CNTNAP2: variants seen among roughly 807,000 people sequenced by gnomAD.
The protein encoded by CNTNAP2 is contactin-associated protein-like 2.
A neutral mutation model predicts 155.2 loss-of-function variants in CNTNAP2; 98 were observed. The ratio of observed to expected loss-of-function variants is 0.63; its 90% CI spans 0.54 to 0.75. The LOEUF (loss-of-function observed/expected upper bound fraction) is 0.75, where lower values mean the gene tolerates loss of function less well. Ranked by LOEUF, CNTNAP2 falls within the 30% of genes least tolerant of loss-of-function variation. The pLI is 0.00. For missense variants in CNTNAP2, 1,727 were observed against 1,688.1 expected, an observed-to-expected ratio of 1.02 and a Z score of -0.40; for synonymous variants, 651 against 631.2, an observed-to-expected ratio of 1.03 and a Z score of -0.47.
At chr7:146,237,523 C>T (rs2116922926) in intron 1 of CNTNAP2, among the ~76,000 whole-genome samples, 1 of 152,336 alleles carries the variant, frequency 6.6e-6, no homozygotes, top group East Asian at 1.9e-4. Flanking sequence ...AAACTAAGAC[C>T]ATTCACATAA....
chr7:148,217,068 CA>C (rs1382726573), intron 18 of CNTNAP2, among the ~76,000 whole-genome samples: 1 of 151,784 alleles, frequency 6.6e-6, no homozygotes, highest in Non-Finnish European at 1.5e-5. Flanking sequence ...TCTTTATTAG[CA>C]GCGTGGGAAC....
intron 16 of CNTNAP2, among the ~76,000 whole-genome samples, chr7:148,122,284 G>A (rs1365797583): frequency 1.3e-5 from 2 of 152,150 alleles, no homozygotes; most frequent in East Asian, 3.9e-4. Flanking sequence ...AAAGCACACT[G>A]CCTCACAGAA....
At chr7:146,649,818 C>A (rs1396221122) in intron 1 of CNTNAP2, among the ~76,000 whole-genome samples, 7 of 151,962 alleles carry the variant, frequency 4.6e-5, no homozygotes, top group Non-Finnish European at 1.0e-4. Flanking sequence ...ATTTCCCAAA[C>A]CATAGTCTTA....
intron 9 of CNTNAP2, among the ~76,000 whole-genome samples, chr7:147,331,628 G>A (rs1444729302): frequency 6.6e-6 from 1 of 152,108 alleles, no homozygotes; most frequent in African/African-American, 2.4e-5. Context: ...CTTAGAAAAA[G>A]CAGGTAGAGG....
chr7:146,624,627 G>A (rs1448709383), intron 1 of CNTNAP2, among the ~76,000 whole-genome samples: 1 of 151,756 alleles, frequency 6.6e-6, no homozygotes, highest in Admixed American at 6.6e-5. Context: ...TAGTTTTGAT[G>A]ACTGTAGCTT....
At chr7:146,891,092 C>A (rs970161446) in intron 3 of CNTNAP2, among the ~76,000 whole-genome samples, 2 of 152,138 alleles carry the variant, frequency 1.3e-5, no homozygotes, top group Non-Finnish European at 2.9e-5. Flanking sequence ...ATGTTCCTTG[C>A]AGCAACATGG....
At chr7:146,825,721 C>T (rs1026772333) in intron 2 of CNTNAP2, among the ~76,000 whole-genome samples, 1 of 152,150 alleles carries the variant, frequency 6.6e-6, no homozygotes, top group Non-Finnish European at 1.5e-5. Flanking sequence ...TCTCAATTGT[C>T]ATGAGATTTT....
intron 21 of CNTNAP2, among the ~76,000 whole-genome samples, chr7:148,359,687 AT>A (rs1327428242): frequency 1.1e-4 from 16 of 152,274 alleles, no homozygotes; most frequent in Middle Eastern, 3.4e-3. Flanking sequence ...CTTTCAGGAA[AT>A]TTTTTTAATT....
At chr7:147,973,711 C>A (rs1056858855) in intron 14 of CNTNAP2, among the ~76,000 whole-genome samples, 2 of 152,078 alleles carry the variant, frequency 1.3e-5, no homozygotes, top group African/African-American at 2.4e-5. Flanking sequence ...AAGGAAAATT[C>A]TTTTAATTTA....
chr7:147,475,061 T>C (rs1458288012), intron 10 of CNTNAP2, among the ~76,000 whole-genome samples: 2 of 152,246 alleles, frequency 1.3e-5, no homozygotes, highest in African/African-American at 4.8e-5. Context: ...TCAGTACACA[T>C]AGATCTGCGT....
chr7:147,212,260 A>T (rs2116574109), intron 8 of CNTNAP2, among the ~76,000 whole-genome samples: 1 of 152,226 alleles, frequency 6.6e-6, no homozygotes, highest in Admixed American at 6.5e-5. Flanking sequence ...CCAAAAGAAA[A>T]CATATCATTT....
intron 1 of CNTNAP2, among the ~76,000 whole-genome samples, chr7:146,138,496 A>C (rs1298786695): frequency 1.3e-5 from 2 of 152,172 alleles, no homozygotes; most frequent in East Asian, 3.8e-4. Flanking sequence ...AAATAAACTT[A>C]TATGTTGAAC....
intron 11 of CNTNAP2, among the ~76,000 whole-genome samples, chr7:147,551,539 A>T (rs983444736): frequency 6.6e-6 from 1 of 152,196 alleles, no homozygotes; most frequent in Non-Finnish European, 1.5e-5. Flanking sequence ...AATCATAGCA[A>T]TAGTCTGATA....
intron 1 of CNTNAP2, among the ~76,000 whole-genome samples, chr7:146,298,432 C>A (rs1442005687): frequency 1.3e-5 from 2 of 152,054 alleles, no homozygotes; most frequent in Non-Finnish European, 2.9e-5. Flanking sequence ...TAACTGCCCA[C>A]CCCCTGCAAA....
chr7:147,469,773 C>T (rs6968381), intron 10 of CNTNAP2, among the ~76,000 whole-genome samples: 118,176 of 151,706 alleles, frequency 0.78, 46,387 homozygotes, highest in African/African-American at 0.87. Flanking sequence ...CCTCCTCGGC[C>T]TCCCAAAGTG....
chr7:146,438,622 A>C lies in CNTNAP2; in HGVS notation c.97+321649A>C, dbSNP rs532046259. Among the ~76,000 whole-genome samples, 186 of 151,684 alleles carry C rather than the reference A, an allele frequency of 1.2e-3. 2 individuals carry two copies. Among genetic ancestry groups the C allele is most frequent in the Non-Finnish European group, 2.4e-3 (162 of 67,998 alleles). The stretch of plus-strand genomic sequence containing the variant: ...GGTTATTTTCATGAAAATAGCAATA[A>C]TACTACTAAGAGTTTCTTTTTAAAT... On this transcript the variant is annotated intron_variant, in intron 1 of 23. Transcript: ENST00000361727.
At chr7:147,879,704 A>T (rs546960100) in intron 13 of CNTNAP2, among the ~76,000 whole-genome samples, 50 of 152,174 alleles carry the variant, frequency 3.3e-4, no homozygotes, top group Admixed American at 1.2e-3. Flanking sequence ...TTGAAACTAT[A>T]TATTATGGAG....
chr7:146,210,836 C>CG (rs1799023198), intron 1 of CNTNAP2, among the ~76,000 whole-genome samples: 1 of 133,840 alleles, frequency 7.5e-6, no homozygotes, highest in Non-Finnish European at 1.6e-5. Context: ...AAGACTACTT[C>CG]ATTTTTTTTT....
At chr7:146,799,997 TAAC>T (rs1313076849) in intron 2 of CNTNAP2, among the ~76,000 whole-genome samples, 68 of 152,230 alleles carry the variant, frequency 4.5e-4, no homozygotes, top group African/African-American at 1.6e-3. Flanking sequence ...AAATATATAA[TAAC>T]ATAGTAACAT....
Sources: gnomAD v4.1 joint callset for allele counts (sites outside exome capture counted in the v4.1 genomes callset) on GRCh38, gnomAD v4.1.1 for gene constraint, MANE v1.5 for transcripts, NCBI Gene and HGNC (gene_info 2026-07-23, HGNC 2026-07-21) for gene names.